Variants in ESR1 observed in about 807,000 individuals in gnomAD.
ESR1 encodes estrogen receptor 1, also known as estrogen receptor.
A neutral mutation model predicts 52.7 loss-of-function variants in ESR1; 12 were observed. That is an observed-to-expected ratio of 0.23 (90% CI 0.15 to 0.37). ESR1 has a LOEUF of 0.37. ESR1 is among the 10% of genes least tolerant of loss of function. The pLI is 1.00. For missense variants in ESR1, 584 were observed against 779.7 expected, an observed-to-expected ratio of 0.75 and a Z score of 2.99; for synonymous variants, 305 against 316.8, an observed-to-expected ratio of 0.96 and a Z score of 0.39.
chr6:151,850,514 G>T (rs59060811), intron 2 of ESR1, among the ~76,000 whole-genome samples: 1,752 of 151,966 alleles, frequency 0.012, 26 homozygotes, highest in African/African-American at 0.039. Context: ...GAACACCAAA[G>T]ATTGCTGGTG....
chr6:152,102,103 G>C lies in ESR1; in HGVS notation c.*3137G>C. 4.7e-6 allele frequency: 1 copy of C among 212,558 alleles called. No homozygotes were observed. Among genetic ancestry groups the C allele is most frequent in the Non-Finnish European group, 9.6e-6 (1 of 104,652 alleles). The allele number at this position is 212,558 out of a possible 1,614,324, so 13.2% of individuals were successfully genotyped here. A position where few individuals can be genotyped will look rare whatever the true frequency, so the allele number is the denominator to read the frequency against. On this transcript the variant is annotated 3_prime_UTR_variant, in exon 8 of 8. Coordinates refer to ENST00000206249, the MANE Select transcript of ESR1 (RefSeq NM_000125.4). The stretch of plus-strand genomic sequence containing the variant: ...GTTGCAAAATCTAACCCCTAAGGAA[G>C]TGCAGTCTTTGATTTGATTTCCCTA...
chr6:151,954,083 G>C (rs532630396), intron 4 of ESR1, among the ~76,000 whole-genome samples: 1 of 152,034 alleles, frequency 6.6e-6, no homozygotes, highest in African/African-American at 2.4e-5. Flanking sequence ...TCAAGCACGC[G>C]CCTGTACATT....
rs373558014 is a variant in ESR1 at position 151,842,692 on chromosome 6, G to A, written c.548G>A (p.Arg183His). The change falls in exon 2 of 8, where the codon CGC becomes CAC. Residue 183 changes from arginine (R) to histidine (H), a missense_variant. Arg to His is a conservative substitution (Grantham distance 29). Transcript: ENST00000206249. ...SMAMESAKETRYCAVCNDYAS... is the reference protein window; with the variant it reads ...SMAMESAKETHYCAVCNDYAS... Reference sequence around the variant, plus strand: ...GCTATGGAATCTGCCAAGGAGACTCGCTACTGTGCAGTGTGCAATGACTAT... The same window carrying A: ...GCTATGGAATCTGCCAAGGAGACTCACTACTGTGCAGTGTGCAATGACTAT... The A allele has an allele frequency of 5.6e-6, 9 of 1,613,798 alleles. No individual in the cohort carries two copies. The highest frequency in any genetic ancestry group is 3.3e-4 in the Middle Eastern group (2 of 6,082).
At chr6:151,944,032 T>G in intron 3 of ESR1, 141 bp from the exon 4 acceptor site, 1 of 683,942 alleles carries the variant, frequency 1.5e-6, no homozygotes, top group Non-Finnish European at 2.5e-6. Flanking sequence ...GGAGAGCCAC[T>G]TGTTGAACAC....
chr6:151,766,751 G>C (rs1001425931), intron 2 of ESR1, among the ~76,000 whole-genome samples: 6 of 152,142 alleles, frequency 3.9e-5, no homozygotes, highest in African/African-American at 1.4e-4. Context: ...GGGTAGGAAG[G>C]GGGAAAGACT....
At chr6:152,109,676 A>C (rs1001447428) in intron 6 of ESR1, among the ~76,000 whole-genome samples, 1 of 152,150 alleles carries the variant, frequency 6.6e-6, no homozygotes, top group Non-Finnish European at 1.5e-5. Flanking sequence ...ACAAGAGCAA[A>C]ACTCTGTCTC....
intron 1 of ESR1, among the ~76,000 whole-genome samples, chr6:151,813,006 C>T (rs193193425): frequency 4.6e-5 from 7 of 151,734 alleles, no homozygotes; most frequent in Admixed American, 2.6e-4. Flanking sequence ...TTCGCTACTT[C>T]GTCTCTAAAA....
At chr6:151,667,151 G>A (rs1167739629) in intron 1 of ESR1, among the ~76,000 whole-genome samples, 7 of 152,132 alleles carry the variant, frequency 4.6e-5, no homozygotes, top group Non-Finnish European at 1.0e-4. Context: ...TGGGTTGAAT[G>A]GTCTTTACTC....
chr6:151,709,464 G>C (rs1780421940), intron 2 of ESR1, among the ~76,000 whole-genome samples: 1 of 152,108 alleles, frequency 6.6e-6, no homozygotes, highest in Non-Finnish European at 1.5e-5. Context: ...ATATGGCTTT[G>C]ACATACTGAA....
intron 6 of ESR1, among the ~76,000 whole-genome samples, chr6:152,087,802 A>G (rs2049860576): frequency 6.6e-6 from 1 of 152,206 alleles, no homozygotes; most frequent in Non-Finnish European, 1.5e-5. Flanking sequence ...AAAGAAGCTA[A>G]GATAGTCTTG....
chr6:151,835,729 A>G (rs1425913389), intron 1 of ESR1, among the ~76,000 whole-genome samples: 1 of 152,160 alleles, frequency 6.6e-6, no homozygotes, highest in East Asian at 1.9e-4. Context: ...TTTGCTTAGG[A>G]AGCTACAAAG....
chr6:151,685,297 C>T (rs1778621195), intron 1 of ESR1, among the ~76,000 whole-genome samples: 1 of 151,186 alleles, frequency 6.6e-6, no homozygotes, highest in Middle Eastern at 3.4e-3. Context: ...CCGCGCCCGG[C>T]TAATTTTTTG....
At chr6:152,004,647 T>C (rs1562657930) in intron 4 of ESR1, among the ~76,000 whole-genome samples, 1 of 151,816 alleles carries the variant, frequency 6.6e-6, no homozygotes, top group Non-Finnish European at 1.5e-5. Flanking sequence ...TTTGAATCTG[T>C]ATATGTAAAA....
intron 5 of ESR1, among the ~76,000 whole-genome samples, chr6:152,029,802 T>C (rs1158571708): frequency 2.0e-5 from 3 of 152,106 alleles, no homozygotes; most frequent in African/African-American, 7.2e-5. Flanking sequence ...ACCACAAAGA[T>C]ACTCCTTGAG....
At chr6:151,686,642 G>T (rs62441983), upstream of ESR1, among the ~76,000 whole-genome samples, 1,714 of 152,080 alleles carry the variant, frequency 0.011, 12 homozygotes, top group Non-Finnish European at 0.018. Flanking sequence ...GAGCCGAGAT[G>T]GCGCCACTGC....
rs1485544023 is a variant in ESR1 at position 152,071,055 on chromosome 6, A to G, written c.1369+9931A>G. On this transcript the variant is annotated intron_variant, in intron 6 of 7. Transcript: ENST00000206249. ...TTTACTTGATTCATCTGTAAAATAG[A>G]GAGAGTAGTAGTTCCTACAGTGTGG... 1.3e-5 allele frequency among the ~76,000 whole-genome samples: 2 copies of G among 150,394 alleles called. 1 individual carries two copies. Among genetic ancestry groups the G allele is most frequent in the Non-Finnish European group, 2.9e-5 (2 of 67,950 alleles).
chr6:151,682,908 A>C (rs1054874275), intron 1 of ESR1, among the ~76,000 whole-genome samples: 4 of 152,268 alleles, frequency 2.6e-5, no homozygotes, highest in Non-Finnish European at 5.9e-5. Flanking sequence ...TGAAATAGAA[A>C]TATGAACATA....
chr6:151,728,766 AGT>A (rs1782027202), intron 2 of ESR1, among the ~76,000 whole-genome samples: 1 of 152,206 alleles, frequency 6.6e-6, no homozygotes, highest in South Asian at 2.1e-4. Flanking sequence ...TGCCCTGGGC[AGT>A]CCCACTCTGC....
chr6:152,122,355 C>G, intron 6 of ESR1: 1 of 1,610,596 alleles, frequency 6.2e-7, no homozygotes, highest in Non-Finnish European at 8.5e-7. Flanking sequence ...AGATCAAGGT[C>G]CTCTTGTTGG....
Sources: gnomAD v4.1 joint callset for allele counts (sites outside exome capture counted in the v4.1 genomes callset) on GRCh38, gnomAD v4.1.1 for gene constraint, MANE v1.5 for transcripts, NCBI Gene and HGNC (gene_info 2026-07-23, HGNC 2026-07-21) for gene names.